Variants in PAM observed in about 807,000 individuals in gnomAD.
PAM encodes peptidyl-glycine alpha-amidating monooxygenase.
PAM carries 72 observed loss-of-function variants against 122.1 expected under a neutral mutation model. The observed-to-expected ratio is 0.59, with a 90% CI of 0.49 to 0.72. The LOEUF (loss-of-function observed/expected upper bound fraction) is 0.72, where lower values mean the gene tolerates loss of function less well. Ranked by LOEUF, PAM falls within the 30% of genes least tolerant of loss-of-function variation. The probability of loss-of-function intolerance (pLI) is 0.00; values close to 1 mark genes in which losing one functional copy is unlikely to be tolerated. For synonymous variants in PAM, 389 were observed against 404.4 expected (o/e 0.96, Z 0.46); for missense variants, 1,106 against 1,183.7 (o/e 0.93, Z 0.96).
intron 1 of PAM, among the ~76,000 whole-genome samples, chr5:102,811,639 T>G (rs1767936596): frequency 6.6e-6 from 1 of 152,232 alleles, no homozygotes; most frequent in Non-Finnish European, 1.5e-5. Flanking sequence ...GGGGCCATTA[T>G]TCTACCCGCC....
intron 3 of PAM, among the ~76,000 whole-genome samples, chr5:102,881,830 A>G (rs188132058): frequency 1.3e-4 from 20 of 150,724 alleles, no homozygotes; most frequent in Non-Finnish European, 2.5e-4. Context: ...GTAGTCTTTT[A>G]TCCCTCATCT....
chr5:102,812,599 T>C (rs76735040), intron 1 of PAM, among the ~76,000 whole-genome samples: 2,106 of 152,278 alleles, frequency 0.014, 53 homozygotes, highest in African/African-American at 0.048. Flanking sequence ...TTGTGAAAAT[T>C]ACATTTCTTT....
intron 1 of PAM, among the ~76,000 whole-genome samples, chr5:102,771,616 A>T (rs1755807224): frequency 6.6e-6 from 1 of 152,134 alleles, no homozygotes; most frequent in Non-Finnish European, 1.5e-5. Context: ...TTTCAACTAC[A>T]GGATCACAAA....
chr5:102,860,673 G>A (rs973615398), intron 1 of PAM, among the ~76,000 whole-genome samples: 4 of 151,470 alleles, frequency 2.6e-5, no homozygotes, highest in South Asian at 2.1e-4. Context: ...GCAACAGAGC[G>A]TGAGACCCTG....
intron 14 of PAM, among the ~76,000 whole-genome samples, chr5:102,971,964 C>G (rs1353498128): frequency 6.6e-6 from 1 of 152,156 alleles, no homozygotes; most frequent in Non-Finnish European, 1.5e-5. Flanking sequence ...TCTGGCAAGG[C>G]CTGTGCAACT....
chr5:102,934,285 G>A (rs114364569), intron 7 of PAM, among the ~76,000 whole-genome samples: 1 of 152,076 alleles, frequency 6.6e-6, no homozygotes, highest in Non-Finnish European at 1.5e-5. Flanking sequence ...CCTGAATAGG[G>A]CCCTGGCGTG....
chr5:102,921,408 A>T (rs1747416226), intron 5 of PAM, among the ~76,000 whole-genome samples: 1 of 152,110 alleles, frequency 6.6e-6, no homozygotes, highest in Non-Finnish European at 1.5e-5. Context: ...ATTTTCATTT[A>T]AAATGGGAAA....
At chr5:102,998,475 A>G (rs931814642) in intron 16 of PAM, among the ~76,000 whole-genome samples, 1 of 152,228 alleles carries the variant, frequency 6.6e-6, no homozygotes, top group Non-Finnish European at 1.5e-5. Flanking sequence ...CTACATATAA[A>G]GTAGATAGCA....
intron 3 of PAM, among the ~76,000 whole-genome samples, chr5:102,870,101 AT>A (rs111643580): frequency 0.014 from 2,117 of 146,572 alleles, 11 homozygotes; most frequent in Non-Finnish European, 0.02. Flanking sequence ...ATGGCAGAGG[AT>A]TTTTTTTTTT....
chr5:102,831,959 T>C (rs919344740), intron 1 of PAM, among the ~76,000 whole-genome samples: 3 of 152,002 alleles, frequency 2.0e-5, no homozygotes, highest in Admixed American at 1.3e-4. Flanking sequence ...GCCACACTCA[T>C]GTTTTCACCT....
chr5:102,972,254 G>T (rs1478630534), intron 14 of PAM, among the ~76,000 whole-genome samples: 1 of 151,988 alleles, frequency 6.6e-6, no homozygotes, highest in Non-Finnish European at 1.5e-5. Context: ...AACAATAATA[G>T]CTTAAACATA....
At chr5:102,892,992 C>T (rs1005842649) in intron 3 of PAM, among the ~76,000 whole-genome samples, 1 of 151,878 alleles carries the variant, frequency 6.6e-6, no homozygotes, top group South Asian at 2.1e-4. Flanking sequence ...TCTAATTTAG[C>T]TTATTACACC....
At chr5:102,866,529 G>A in intron 2 of PAM, 1 of 518,276 alleles carries the variant, frequency 1.9e-6, no homozygotes, top group Non-Finnish European at 3.5e-6. Flanking sequence ...CACTCCCTCT[G>A]GGGGAGGTAT....
chr5:102,953,524 A>G (rs1759682610), intron 12 of PAM, among the ~76,000 whole-genome samples: 1 of 152,132 alleles, frequency 6.6e-6, no homozygotes, highest in African/African-American at 2.4e-5. Context: ...GAACTCATAG[A>G]AATAGAGAAT....
intron 12 of PAM, among the ~76,000 whole-genome samples, chr5:102,959,389 A>G (rs1761810618): frequency 6.6e-6 from 1 of 152,106 alleles, no homozygotes; most frequent in African/African-American, 2.4e-5. Flanking sequence ...AAGGTCCAGG[A>G]CTTTTGATGT....
At position 102,866,199 on chromosome 5, in the gene PAM, G is replaced by C. The variant is rs1785500562; in HGVS notation, c.4G>C (p.Ala2Pro). The C allele has an allele frequency of 6.2e-7, 1 of 1,611,210 alleles. No individual in the cohort carries two copies. Among genetic ancestry groups the C allele is most frequent in the African/African-American group, 1.3e-5 (1 of 75,034 alleles). M[A>P]GRVPSLLVLL... ...GCGGGGTCGTATCGGCGTGGACATGGCTGGCCGCGTCCCTAGCCTGCTAGT... is the reference window on the plus strand; with the variant it reads ...GCGGGGTCGTATCGGCGTGGACATGCCTGGCCGCGTCCCTAGCCTGCTAGT... Residue 2 changes from alanine (A) to proline (P), a missense_variant, in exon 2 of 26, where the codon GCT becomes CCT. Transcript: ENST00000438793.
At chr5:102,836,022 G>C (rs1194702223) in intron 1 of PAM, among the ~76,000 whole-genome samples, 1 of 152,052 alleles carries the variant, frequency 6.6e-6, no homozygotes, top group South Asian at 2.1e-4. Flanking sequence ...TTGCGTTCTC[G>C]AATTGCCATT....
intron 1 of PAM, among the ~76,000 whole-genome samples, chr5:102,803,560 A>G (rs1192023529): frequency 1.1e-4 from 16 of 152,182 alleles, no homozygotes; most frequent in Non-Finnish European, 2.4e-4. Flanking sequence ...TTGGGGCATC[A>G]GGGACTCTAG....
intron 1 of PAM, among the ~76,000 whole-genome samples, chr5:102,795,189 CAAAAAAA>C (rs33988105): frequency 1.3e-3 from 79 of 59,664 alleles, no homozygotes; most frequent in African/African-American, 5.0e-3. Context: ...GACAATGTCT[CAAAAAAA>C]AAAAAAAAAA....
Sources: allele counts gnomAD v4.1 joint callset (sites outside exome capture counted in the v4.1 genomes callset), GRCh38; gene constraint gnomAD v4.1.1; transcripts MANE v1.5; gene names NCBI Gene and HGNC (gene_info 2026-07-23, HGNC 2026-07-21).